The following TFCP2L1 variants were observed in gnomAD, a reference collection of about 807,000 sequenced individuals.
TFCP2L1 encodes transcription factor CP2 like 1.
A neutral mutation model predicts 72.2 loss-of-function variants in TFCP2L1; 12 were observed. The observed-to-expected ratio is 0.17, with a 90% CI of 0.11 to 0.27. The LOEUF is 0.27. Ranked by LOEUF, TFCP2L1 falls within the 10% of genes least tolerant of loss-of-function variation. TFCP2L1 has a pLI of 1.00. For missense variants in TFCP2L1, 488 were observed against 624.6 expected, an observed-to-expected ratio of 0.78 and a Z score of 2.33; for synonymous variants, 260 against 251.0, an observed-to-expected ratio of 1.04 and a Z score of -0.34.
intron 11 of TFCP2L1, 38 bp downstream of exon 11, chr2:121,235,183 G>T (rs1339220734): frequency 6.2e-7 from 1 of 1,609,396 alleles, no homozygotes; most frequent in Non-Finnish European, 8.5e-7. Context: ...CACGGGACAT[G>T]AGCCTCTGGC....
intron 2 of TFCP2L1, among the ~76,000 whole-genome samples, chr2:121,265,935 G>A (rs780291867): frequency 2.7e-5 from 4 of 149,108 alleles, no homozygotes; most frequent in Non-Finnish European, 5.9e-5. Flanking sequence ...ATGTAGTCTC[G>A]GCTCAGTGCA....
At chr2:121,238,282 G>A (rs1341311003) in intron 8 of TFCP2L1, among the ~76,000 whole-genome samples, 2 of 152,118 alleles carry the variant, frequency 1.3e-5, no homozygotes, top group African/African-American at 4.8e-5. Context: ...CCCTTTGTCA[G>A]GTGGTGAGGG....
intron 2 of TFCP2L1, among the ~76,000 whole-genome samples, chr2:121,274,017 C>G (rs2104757331): frequency 6.6e-6 from 1 of 151,388 alleles, no homozygotes; most frequent in South Asian, 2.1e-4. Context: ...TCGCTTGAAC[C>G]CGGGAGGCAG....
intron 13 of TFCP2L1, among the ~76,000 whole-genome samples, chr2:121,227,338 T>G (rs1404212695): frequency 6.6e-6 from 1 of 152,208 alleles, no homozygotes; most frequent in East Asian, 1.9e-4. Context: ...TACAAATTTT[T>G]TCCATATTTA....
At chr2:121,228,272 G>A (rs1162759254) in intron 13 of TFCP2L1, among the ~76,000 whole-genome samples, 9 of 152,282 alleles carry the variant, frequency 5.9e-5, no homozygotes, top group East Asian at 1.9e-4. Context: ...TATTGCAAGC[G>A]TTCCCCACAT....
chr2:121,266,735 C>G (rs1238332982), intron 2 of TFCP2L1, among the ~76,000 whole-genome samples: 1 of 152,296 alleles, frequency 6.6e-6, no homozygotes, highest in Admixed American at 6.5e-5. Flanking sequence ...CTGGTCTGTA[C>G]TAAGTGCTGC....
chr2:121,237,187 A>G (rs1262944514), intron 10 of TFCP2L1, among the ~76,000 whole-genome samples: 3 of 152,176 alleles, frequency 2.0e-5, no homozygotes, highest in Non-Finnish European at 4.4e-5. Context: ...GACACTTTCT[A>G]AAGAAGGAAG....
intron 2 of TFCP2L1, among the ~76,000 whole-genome samples, chr2:121,269,907 T>TA (rs398104671): frequency 6.4e-5 from 5 of 77,612 alleles, no homozygotes; most frequent in Non-Finnish European, 9.1e-5. Context: ...AGACTCCATC[T>TA]AAAAAAAAAA....
rs541560982 is a variant in TFCP2L1 at position 121,233,966 on chromosome 2, G to A, written c.1198+125C>T. ...GCACTAGGCTGCCCTTTCCACGTGT[G>A]GGCATGTGGGAGCCCAGGACTGTCC... On this transcript the variant is annotated intron_variant, in intron 12 of 14. Coordinates refer to ENST00000263707, the MANE Select transcript of TFCP2L1 (RefSeq NM_014553.3). The A allele has an allele frequency of 2.2e-5, 18 of 828,818 alleles. No homozygotes were observed. The African/African-American group carries it at 2.9e-4, about 13-fold the overall frequency. The allele number at this position is 828,818 out of a possible 1,614,324, so 51.3% of individuals were successfully genotyped here. A position where few individuals can be genotyped will look rare whatever the true frequency, so the allele number is the denominator to read the frequency against.
intron 2 of TFCP2L1, among the ~76,000 whole-genome samples, chr2:121,256,793 A>G (rs1686736725): frequency 6.6e-6 from 1 of 151,696 alleles, no homozygotes; most frequent in Admixed American, 6.6e-5. Context: ...AAAAACAAAC[A>G]AAAATACAAA....
chr2:121,241,532 C>T (rs72828954), intron 7 of TFCP2L1, among the ~76,000 whole-genome samples: 20,593 of 151,870 alleles, frequency 0.14, 1,864 homozygotes, highest in South Asian at 0.28. Flanking sequence ...AGAGGAAGAG[C>T]GAGCTCCTCA....
intron 2 of TFCP2L1, among the ~76,000 whole-genome samples, chr2:121,254,133 C>T (rs1287311430): frequency 3.3e-5 from 5 of 152,200 alleles, no homozygotes; most frequent in Non-Finnish European, 7.3e-5. Context: ...CTGTTCTGCT[C>T]ATCACTGCGC....
chr2:121,272,046 G>T (rs182249958), intron 2 of TFCP2L1, among the ~76,000 whole-genome samples: 1 of 152,094 alleles, frequency 6.6e-6, no homozygotes, highest in Non-Finnish European at 1.5e-5. Flanking sequence ...CTCCTGCACC[G>T]AAGTGCCTGG....
At chr2:121,248,577 A>G (rs1686537944) in intron 4 of TFCP2L1, among the ~76,000 whole-genome samples, 3 of 152,124 alleles carry the variant, frequency 2.0e-5, no homozygotes, top group Admixed American at 2.0e-4. Flanking sequence ...TAGCTTCTGA[A>G]TTCCAAAACC....
chr2:121,279,561 G>T (rs929530105), intron 2 of TFCP2L1, among the ~76,000 whole-genome samples: 6 of 152,224 alleles, frequency 3.9e-5, no homozygotes, highest in African/African-American at 1.4e-4. Flanking sequence ...TCTACCCAGA[G>T]GGAGGCAGAC....
At chr2:121,284,871 C>G (rs1051820391) in intron 1 of TFCP2L1, among the ~76,000 whole-genome samples, 177 bp downstream of exon 1, 2 of 152,108 alleles carry the variant, frequency 1.3e-5, no homozygotes, top group Non-Finnish European at 1.5e-5. Flanking sequence ...CGGGTCCCGC[C>G]GGCGTCCATC....
Position 121,237,864 on chromosome 2 carries a change from G to A in TFCP2L1, c.861-14C>T, listed in dbSNP as rs200692825. On this transcript the variant is annotated splice_polypyrimidine_tract_variant and intron_variant, in intron 8 of 14. Transcript: ENST00000263707. ...GGAGAGGCGTTGCTGCAAGGAAAAGGAACCAGTGATGAGGACAGAGGGGGC... is the reference window on the plus strand; with the variant it reads ...GGAGAGGCGTTGCTGCAAGGAAAAGAAACCAGTGATGAGGACAGAGGGGGC... 7.2e-5 allele frequency: 116 copies of A among 1,613,878 alleles called. No homozygotes were observed. The highest frequency in any genetic ancestry group is 1.8e-4 in the Admixed American group (11 of 60,014).
At chr2:121,232,759 C>T (rs1385509048) in intron 12 of TFCP2L1, among the ~76,000 whole-genome samples, 1 of 152,180 alleles carries the variant, frequency 6.6e-6, no homozygotes, top group Non-Finnish European at 1.5e-5. Flanking sequence ...AGCCTCAACA[C>T]AGTAACCCTA....
chr2:121,250,608 CT>C (rs56784430), intron 2 of TFCP2L1, among the ~76,000 whole-genome samples: 59,047 of 136,876 alleles, frequency 0.43, 12,633 homozygotes, highest in African/African-American at 0.6. Flanking sequence ...ATTGGCATAT[CT>C]TTTTTTTTTT....
Sources: allele counts gnomAD v4.1 joint callset (sites outside exome capture counted in the v4.1 genomes callset), GRCh38; gene constraint gnomAD v4.1.1; transcripts MANE v1.5; gene names NCBI Gene and HGNC (gene_info 2026-07-23, HGNC 2026-07-21).